Variants in BANK1 observed in about 807,000 individuals in gnomAD.
BANK1 encodes B-cell scaffold protein with ankyrin repeats.
A neutral mutation model predicts 94.5 loss-of-function variants in BANK1; 95 were observed. The ratio of observed to expected loss-of-function variants is 1.00; its 90% confidence interval spans 0.85 to 1.19. The LOEUF (loss-of-function observed/expected upper bound fraction) is 1.19. BANK1 is among the 50% of genes most tolerant of loss of function. The pLI is 0.00. For missense variants in BANK1, 987 were observed against 932.2 expected (o/e 1.06, Z -0.77); for synonymous variants, 334 against 308.4 (o/e 1.08, Z -0.87).
chr4:101,967,032 G>A (rs139901042), intron 7 of BANK1, among the ~76,000 whole-genome samples: 24 of 152,158 alleles, frequency 1.6e-4, no homozygotes, highest in African/African-American at 4.6e-4. Context: ...AGTTTTACTC[G>A]TTAGTCCAAT....
intron 3 of BANK1, among the ~76,000 whole-genome samples, chr4:101,856,621 A>G (rs13126550): frequency 0.35 from 52,726 of 151,956 alleles, 9,486 homozygotes; most frequent in African/African-American, 0.4. Flanking sequence ...CGAGCACTGT[A>G]AGACCCTTCT....
At position 101,885,921 on chromosome 4, in the gene BANK1, G is replaced by A. The variant is rs1444742509; in HGVS notation, c.904-9384G>A. On this transcript the variant is annotated intron_variant, in intron 5 of 16. Coordinates refer to ENST00000322953, the MANE Select transcript of BANK1 (RefSeq NM_017935.5). Reference sequence around the variant, plus strand: ...GTATAGAACATTAATGTACTGAATAGTGTAGGCAACTATAACACAATAGGA... The same window carrying A: ...GTATAGAACATTAATGTACTGAATAATGTAGGCAACTATAACACAATAGGA... Among the ~76,000 whole-genome samples the A allele has an allele frequency of 7.2e-5, 11 of 152,272 alleles. 1 individual carries two copies. In the East Asian group the frequency reaches 1.9e-3, roughly 27 times the overall value.
At chr4:101,913,567 A>C (rs1375788818) in intron 6 of BANK1, among the ~76,000 whole-genome samples, 1 of 152,112 alleles carries the variant, frequency 6.6e-6, no homozygotes, top group East Asian at 1.9e-4. Flanking sequence ...CTCATTGCCT[A>C]CTTCTCTCTG....
chr4:102,038,267 G>C (rs894896295), intron 10 of BANK1, among the ~76,000 whole-genome samples: 12 of 152,134 alleles, frequency 7.9e-5, no homozygotes, highest in Non-Finnish European at 1.3e-4. Context: ...AACATTTCTT[G>C]ATTGAGGGAG....
chr4:101,914,488 C>T (rs4295265), intron 6 of BANK1, among the ~76,000 whole-genome samples: 40,241 of 151,866 alleles, frequency 0.26, 6,286 homozygotes, highest in Non-Finnish European at 0.34. Context: ...TTAAAAGGGG[C>T]CTCTAGATTG....
intron 3 of BANK1, among the ~76,000 whole-genome samples, chr4:101,857,528 G>A (rs916282794): frequency 2.0e-5 from 3 of 152,060 alleles, no homozygotes; most frequent in South Asian, 2.1e-4. Context: ...TTAGTCTATC[G>A]TTAATTAAGG....
intron 1 of BANK1, among the ~76,000 whole-genome samples, chr4:101,796,489 A>G (rs1164236670): frequency 6.6e-6 from 1 of 152,194 alleles, no homozygotes; most frequent in African/African-American, 2.4e-5. Context: ...CCTTTCATGC[A>G]CTAGGAATAG....
intron 2 of BANK1, among the ~76,000 whole-genome samples, chr4:101,845,689 G>A (rs1043507474): frequency 2.0e-5 from 3 of 152,196 alleles, no homozygotes; most frequent in African/African-American, 7.2e-5. Flanking sequence ...ATATTTCAGT[G>A]AGAAACAAGA....
rs148822403 is a variant in BANK1 at position 101,892,984 on chromosome 4, T to C, written c.904-2321T>C. Reference sequence around the variant, plus strand: ...TTTTTCACATCTTTGTTTTGTGTTATATACCACTTATTTATGTGCAAGCAT... The same window carrying C: ...TTTTTCACATCTTTGTTTTGTGTTACATACCACTTATTTATGTGCAAGCAT... On this transcript the variant is annotated intron_variant, in intron 5 of 16. Transcript: ENST00000322953. Among the ~76,000 whole-genome samples the C allele has an allele frequency of 4.5e-3, 690 of 152,172 alleles. 5 individuals are homozygous for C. Among genetic ancestry groups the C allele is most frequent in the African/African-American group, 0.015 (623 of 41,570 alleles).
chr4:101,895,014 A>T (rs1418037162), intron 5 of BANK1, among the ~76,000 whole-genome samples: 1 of 151,750 alleles, frequency 6.6e-6, no homozygotes, highest in African/African-American at 2.4e-5. Context: ...CTCTTTTAAA[A>T]TTTATATTTT....
intron 7 of BANK1, among the ~76,000 whole-genome samples, chr4:101,971,118 T>C (rs936232221): frequency 1.3e-5 from 2 of 152,146 alleles, no homozygotes; most frequent in African/African-American, 2.4e-5. Flanking sequence ...TTAAAGGTGT[T>C]ACCTGATAAA....
intron 3 of BANK1, among the ~76,000 whole-genome samples, chr4:101,855,676 A>C (rs1727653787): frequency 6.6e-6 from 1 of 152,244 alleles, no homozygotes; most frequent in Non-Finnish European, 1.5e-5. Flanking sequence ...CACAGTAAAT[A>C]GGTTAAGGAT....
chr4:102,017,656 GCTT>G (rs1229861164), intron 7 of BANK1, among the ~76,000 whole-genome samples: 1 of 152,192 alleles, frequency 6.6e-6, no homozygotes, highest in Non-Finnish European at 1.5e-5. Flanking sequence ...TATGCCTACT[GCTT>G]CTTTCTCCAT....
chr4:102,008,445 T>C (rs1343200841), intron 7 of BANK1, among the ~76,000 whole-genome samples: 1 of 152,252 alleles, frequency 6.6e-6, no homozygotes, highest in Admixed American at 6.5e-5. Context: ...TGCTGCTAGC[T>C]GCATAGCACA....
rs369393040 is a variant in BANK1, at chr4:101,950,060, T to TGTGC, written c.1206+31872_1206+31873insTGCG. Among the ~76,000 whole-genome samples, 1,096 of 139,412 alleles carry TGTGC rather than the reference T, an allele frequency of 7.9e-3. 14 individuals are homozygous for TGTGC. Among genetic ancestry groups the TGTGC allele is most frequent in the African/African-American group, 0.03 (950 of 31,992 alleles). The allele number at this position is 139,412 out of a possible 152,430, so 91.5% of individuals were successfully genotyped here. On this transcript the variant is annotated intron_variant, in intron 7 of 16. Transcript: ENST00000322953. ...GTGTGTGTGTGTGTGTGTGTGTGTGTGCGCGTGCGCGCGCATGTGCCTACA... is the reference window on the plus strand; with the variant it reads ...GTGTGTGTGTGTGTGTGTGTGTGTGTGTGCGCGCGTGCGCGCGCATGTGCCTACA...
chr4:101,909,706 C>A (rs1722594545), intron 6 of BANK1, among the ~76,000 whole-genome samples: 1 of 152,082 alleles, frequency 6.6e-6, no homozygotes, highest in African/African-American at 2.4e-5. Flanking sequence ...AGTTTTGGGG[C>A]CAGTTTATGC....
At chr4:101,944,100 A>ATG (rs149834777) in intron 7 of BANK1, among the ~76,000 whole-genome samples, 2 of 149,496 alleles carry the variant, frequency 1.3e-5, no homozygotes, top group Middle Eastern at 3.3e-3. Context: ...CAGTGTGTGA[A>ATG]TGTGTGTGTG....
chr4:101,970,288 C>T (rs374162388), intron 7 of BANK1, among the ~76,000 whole-genome samples: 4 of 152,056 alleles, frequency 2.6e-5, no homozygotes, highest in South Asian at 4.2e-4. Context: ...GCAATTGAGA[C>T]GAGTGTCAGA....
At chr4:101,811,056 G>A (rs1015698051) in intron 1 of BANK1, among the ~76,000 whole-genome samples, 7 of 152,124 alleles carry the variant, frequency 4.6e-5, no homozygotes, top group Non-Finnish European at 1.0e-4. Context: ...AGTATAGGAA[G>A]TCACCTAACT....
Sources: gnomAD v4.1 joint callset for allele counts (sites outside exome capture counted in the v4.1 genomes callset) on GRCh38, gnomAD v4.1.1 for gene constraint, MANE v1.5 for transcripts, NCBI Gene and HGNC (gene_info 2026-07-23, HGNC 2026-07-21) for gene names.